The following PRR16 variants were observed in gnomAD, a reference collection of about 807,000 sequenced individuals.
The protein encoded by PRR16 is protein Largen.
A neutral mutation model predicts 18.2 loss-of-function variants in PRR16; 6 were observed. The observed-to-expected ratio is 0.33, with a 90% CI of 0.18 to 0.65. The LOEUF is 0.65. Among genes scored for constraint, PRR16 ranks in the 30% least tolerant of loss-of-function variants. The pLI, the probability that PRR16 is intolerant of heterozygous loss-of-function variation, is 0.74. For missense variants in PRR16, 412 were observed against 376.6 expected, an observed-to-expected ratio of 1.09 and a Z score of -0.78; for synonymous variants, 151 against 147.8, an observed-to-expected ratio of 1.02 and a Z score of -0.16.
At chr5:120,615,201 C>T (rs1316724309) in intron 1 of PRR16, among the ~76,000 whole-genome samples, 2 of 152,052 alleles carry the variant, frequency 1.3e-5, no homozygotes, top group East Asian at 3.9e-4. Flanking sequence ...AACAGAAGTA[C>T]AGAGAAATAG....
intron 1 of PRR16, among the ~76,000 whole-genome samples, chr5:120,555,984 C>T (rs1425375550): frequency 6.6e-6 from 1 of 151,652 alleles, no homozygotes; most frequent in Non-Finnish European, 1.5e-5. Flanking sequence ...TCAGCTAAGT[C>T]ATATTCTTTG....
chr5:120,573,027 C>CAT (rs1383703559), intron 1 of PRR16, among the ~76,000 whole-genome samples: 1 of 152,052 alleles, frequency 6.6e-6, no homozygotes, highest in Non-Finnish European at 1.5e-5. Flanking sequence ...GGACAAAATC[C>CAT]ATAATGCATT....
chr5:120,762,126 A>T, the PRR16 span, among the ~76,000 whole-genome samples: 23 of 152,278 alleles, frequency 1.5e-4, no homozygotes, highest in East Asian at 3.7e-3. Flanking sequence ...ATGGACAGTT[A>T]GGCTGATTGC....
intron 1 of PRR16, among the ~76,000 whole-genome samples, chr5:120,600,476 TG>T (rs1753947034): frequency 1.3e-5 from 2 of 151,934 alleles, no homozygotes; most frequent in Admixed American, 1.3e-4. Context: ...ATATGAGACC[TG>T]CTAAGAGCAG....
intron 1 of PRR16, among the ~76,000 whole-genome samples, chr5:120,484,074 G>C (rs1406301429): frequency 6.6e-6 from 1 of 151,630 alleles, no homozygotes; most frequent in African/African-American, 2.4e-5. Flanking sequence ...CTCAACACAG[G>C]AAAAACCCAG....
intron 1 of PRR16, among the ~76,000 whole-genome samples, chr5:120,576,189 A>G (rs1753071595): frequency 6.6e-6 from 1 of 152,206 alleles, no homozygotes; most frequent in African/African-American, 2.4e-5. Context: ...CTGCCCAAGA[A>G]AGAAAACAAT....
chr5:120,553,021 G>A (rs1392257635), intron 1 of PRR16, among the ~76,000 whole-genome samples: 1 of 151,768 alleles, frequency 6.6e-6, no homozygotes, highest in Non-Finnish European at 1.5e-5. Flanking sequence ...TCCGAACTCA[G>A]ACTACTTCCC....
chr5:120,787,345 G>C, the PRR16 span, among the ~76,000 whole-genome samples: 1 of 152,252 alleles, frequency 6.6e-6, no homozygotes, highest in East Asian at 1.9e-4. Flanking sequence ...TGGATCAAAT[G>C]TGGTATCTCA....
chr5:120,708,370 A>G, the PRR16 span, among the ~76,000 whole-genome samples: 1 of 152,230 alleles, frequency 6.6e-6, no homozygotes, highest in Admixed American at 6.5e-5. Flanking sequence ...GCAGTTATTT[A>G]TCTCAACTTT....
At chr5:120,716,205 C>T in the PRR16 span, among the ~76,000 whole-genome samples, 1 of 152,166 alleles carries the variant, frequency 6.6e-6, no homozygotes, top group East Asian at 1.9e-4. Flanking sequence ...AAACCCTTTT[C>T]CAAATCTGCC....
chr5:120,712,257 TATAATAC>T, the PRR16 span, among the ~76,000 whole-genome samples: 7 of 152,154 alleles, frequency 4.6e-5, no homozygotes, highest in Non-Finnish European at 1.0e-4. Context: ...ATTTTCAATA[TATAATAC>T]ACAATACACA....
intron 1 of PRR16, among the ~76,000 whole-genome samples, chr5:120,480,341 A>C (rs1749570881): frequency 6.6e-6 from 1 of 152,238 alleles, no homozygotes; most frequent in Admixed American, 6.5e-5. Context: ...ATACTCACCA[A>C]TAACCTCTTA....
the PRR16 span, among the ~76,000 whole-genome samples, chr5:120,753,024 C>T: frequency 1.8e-4 from 27 of 151,636 alleles, no homozygotes; most frequent in East Asian, 1.5e-3. Flanking sequence ...TATTTTTCCA[C>T]GAATAGATGA....
At chr5:120,750,181 A>T in the PRR16 span, among the ~76,000 whole-genome samples, 1 of 152,066 alleles carries the variant, frequency 6.6e-6, no homozygotes, top group Non-Finnish European at 1.5e-5. Flanking sequence ...CTGGTAAAAG[A>T]GCTTCTTGAA....
intron 1 of PRR16, among the ~76,000 whole-genome samples, chr5:120,564,626 G>T (rs752100326): frequency 1.4e-3 from 213 of 147,328 alleles, no homozygotes; most frequent in Admixed American, 3.2e-3. Context: ...AGCCACTATT[G>T]GGGGGTGGAA....
intron 1 of PRR16, among the ~76,000 whole-genome samples, chr5:120,606,248 GGGCAACAGA>G: frequency 6.6e-6 from 1 of 152,240 alleles, no homozygotes; most frequent in East Asian, 1.9e-4. Flanking sequence ...ACAGGTAACA[GGGCAACAGA>G]GGCTGTGATG....
At chr5:120,554,480 TGGAATAGTAATACA>T (rs1286528295) in intron 1 of PRR16, among the ~76,000 whole-genome samples, 1 of 151,854 alleles carries the variant, frequency 6.6e-6, no homozygotes, top group Non-Finnish European at 1.5e-5. Flanking sequence ...TATGAGACAA[TGGAATAGTAATACA>T]GGAATTCAGG....
chr5:120,684,859 T>C (rs1024831887), intron 1 of PRR16, among the ~76,000 whole-genome samples: 1 of 152,190 alleles, frequency 6.6e-6, no homozygotes, highest in Non-Finnish European at 1.5e-5. Flanking sequence ...ACAACCTCTC[T>C]CCTTAACGTG....
At chr5:120,750,742 T>C in the PRR16 span, among the ~76,000 whole-genome samples, 1 of 152,142 alleles carries the variant, frequency 6.6e-6, no homozygotes, top group African/African-American at 2.4e-5. Context: ...AAGAATTCAA[T>C]GTATAATGAT....
Sources: allele counts gnomAD v4.1 joint callset (sites outside exome capture counted in the v4.1 genomes callset), GRCh38; gene constraint gnomAD v4.1.1; transcripts MANE v1.5; gene names NCBI Gene and HGNC (gene_info 2026-07-23, HGNC 2026-07-21).